The following LGR4 variants were observed in gnomAD, a reference collection of about 807,000 sequenced individuals.
The protein encoded by LGR4 is leucine-rich repeat-containing G protein-coupled receptor 4.
Under a neutral mutation model 84.8 loss-of-function variants are expected in LGR4, and 44 were observed. That is an observed-to-expected ratio of 0.52 (90% CI 0.41 to 0.67). LGR4 has a LOEUF of 0.67. Ranked by LOEUF, LGR4 falls within the 30% of genes least tolerant of loss-of-function variation. The pLI is 0.00. For missense variants in LGR4, 1,032 were observed against 1,131.4 expected, an observed-to-expected ratio of 0.91 and a Z score of 1.26; for synonymous variants, 429 against 434.3, an observed-to-expected ratio of 0.99 and a Z score of 0.15.
intron 1 of LGR4, among the ~76,000 whole-genome samples, chr11:27,426,531 C>T (rs1447462670): frequency 6.6e-6 from 1 of 152,154 alleles, no homozygotes; most frequent in East Asian, 1.9e-4. Context: ...ATAACTCTTA[C>T]TAGTTGTATA....
In LGR4 at chr11:27,385,333, T is replaced by C. The variant is rs763960022; in HGVS notation, c.537A>G (p.Leu179=). 38 of 1,611,190 alleles carry C rather than the reference T, an allele frequency of 2.4e-5. No homozygotes were observed. The highest frequency in any genetic ancestry group is 3.3e-4 in the Middle Eastern group (2 of 6,078). The change falls in exon 5 of 18, where the codon CTA becomes CTG. Residue 179 remains leucine (L), a synonymous_variant. Coordinates refer to ENST00000379214, the MANE Select transcript of LGR4 (RefSeq NM_018490.5). ...TGTTGAGAGCCAGGGTCAGCGCCTG[T>C]AGGGTGGGCAGATTGCTGAGGGGGT... The part of the protein sequence containing the change: ...PVHPLSNLPT[L]QALTLALNKI...
intron 1 of LGR4, 74 bp from the exon 2 acceptor site, chr11:27,412,934 T>C (rs1346085036): frequency 1.0e-6 from 1 of 974,222 alleles, no homozygotes; most frequent in East Asian, 2.4e-5. Flanking sequence ...AACAGAAAAC[T>C]AACTAGGTGT....
intron 1 of LGR4, among the ~76,000 whole-genome samples, chr11:27,426,230 C>T (rs905841631): frequency 5.9e-5 from 9 of 152,128 alleles, no homozygotes; most frequent in Admixed American, 2.0e-4. Context: ...CAGTAAAGAG[C>T]GTTAACGACA....
intron 1 of LGR4, among the ~76,000 whole-genome samples, chr11:27,465,944 C>T (rs941701053): frequency 6.6e-6 from 1 of 152,012 alleles, no homozygotes; most frequent in African/African-American, 2.4e-5. Context: ...CACACTTCAC[C>T]GAACAAAGTT....
At position 27,380,273 on chromosome 11, in the gene LGR4, A is replaced by T. The variant is rs575879732; in HGVS notation, c.969T>A (p.Ser323Arg). Residue 323 changes from serine to arginine, a missense_variant and splice_region_variant, in exon 10 of 18, where the codon AGT becomes AGA. By Grantham distance (110) the Ser-to-Arg change is moderately radical. Transcript: ENST00000379214. ...CCTCTTCAAAGGGCCTTACTTACAG[A>T]CTTTCCAGGTGGACAGTTCCTGTAA... The part of the protein sequence containing the change: ...PNLTGTVHLE[S>R]LTLTGTKISS... 3.3e-5 allele frequency: 53 copies of T among 1,603,898 alleles called. No individual in the cohort carries two copies. In the South Asian group the frequency reaches 5.8e-4, roughly 17 times the overall value.
chr11:27,374,404 T>C (rs1736143396), intron 13 of LGR4, among the ~76,000 whole-genome samples: 2 of 152,064 alleles, frequency 1.3e-5, no homozygotes, highest in Admixed American at 6.5e-5. Flanking sequence ...AAGCTGAAAA[T>C]AAAAACAGAC....
intron 2 of LGR4, among the ~76,000 whole-genome samples, chr11:27,402,447 C>T (rs1863522020): frequency 6.6e-6 from 1 of 152,114 alleles, no homozygotes; most frequent in Admixed American, 6.5e-5. Context: ...GACGACGTGG[C>T]TGAGCAACTC....
chr11:27,420,088 C>T (rs1184697315), intron 1 of LGR4, among the ~76,000 whole-genome samples: 3 of 151,956 alleles, frequency 2.0e-5, no homozygotes, highest in Non-Finnish European at 4.4e-5. Flanking sequence ...GTCTCAATAC[C>T]TGTATTTTGT....
intron 1 of LGR4, among the ~76,000 whole-genome samples, chr11:27,446,149 ATTTG>A (rs1454344155): frequency 6.6e-6 from 1 of 152,072 alleles, no homozygotes; most frequent in African/African-American, 2.4e-5. Flanking sequence ...TTTCTTGTAA[ATTTG>A]TTTAAGTTCT....
chr11:27,368,200 G>T lies in LGR4; in HGVS notation c.2523C>A (p.Phe841Leu). Reference protein sequence around the residue: ...SSQGGCLEQDFYYDCGMYSHL... With the variant: ...SSQGGCLEQDLYYDCGMYSHL... ...GTGAGTACATGCCACAGTCGTAGTA[G>T]AAATCCTGTTCCAGACAACCACCTT... Residue 841 changes from phenylalanine to leucine, a missense_variant, in exon 18 of 18, where the codon TTC becomes TTA. By Grantham distance (22) the Phe-to-Leu change is conservative. Coordinates refer to ENST00000379214, the MANE Select transcript of LGR4 (RefSeq NM_018490.5). 2 of 1,614,220 alleles carry T rather than the reference G, an allele frequency of 1.2e-6. No individual in the cohort carries two copies. Among genetic ancestry groups the T allele is most frequent in the Non-Finnish European group, 1.7e-6 (2 of 1,180,030 alleles).
At chr11:27,420,949 C>T (rs1415079349) in intron 1 of LGR4, among the ~76,000 whole-genome samples, 1 of 152,142 alleles carries the variant, frequency 6.6e-6, no homozygotes, top group African/African-American at 2.4e-5. Context: ...AGTATGTGTA[C>T]AAGTGGTGAG....
At position 27,377,205 on chromosome 11, in the gene LGR4, A is replaced by G. The variant is rs140880643; in HGVS notation, c.1062T>C (p.Asn354=). ...MLRTLDLSYN[N]IRDLPSFNGC... ...CATTAAAACTTGGAAGGTCTCTTAT[A>G]TTATTGTAAGACAAGTCCCTTAAAA... Residue 354 remains asparagine, a synonymous_variant, in exon 12 of 18, where the codon AAT becomes AAC. Transcript: ENST00000379214. 115 of 1,572,832 alleles carry G rather than the reference A, an allele frequency of 7.3e-5. No homozygotes were observed. The African/African-American group carries it at 1.4e-3, about 19-fold the overall frequency.
chr11:27,435,941 C>T lies in LGR4; in HGVS notation c.186-23081G>A, dbSNP rs1234592237. Among the ~76,000 whole-genome samples, 16 of 150,698 alleles carry T rather than the reference C, an allele frequency of 1.1e-4. No individual in the cohort carries two copies. In the South Asian group the frequency reaches 1.3e-3, roughly 12 times the overall value. ...TTTTTTTTTTTTTGAGACGGAGTCT[C>T]GCTCTGTCACCCAGGCTGGAGTGCA... On this transcript the variant is annotated intron_variant, in intron 1 of 17. Coordinates refer to ENST00000379214, the MANE Select transcript of LGR4 (RefSeq NM_018490.5).
In LGR4 at chr11:27,373,539, G is replaced by T. The variant is rs200107564; in HGVS notation, c.1379+12C>A. On this transcript the variant is annotated intron_variant, in intron 15 of 17. Coordinates refer to ENST00000379214, the MANE Select transcript of LGR4 (RefSeq NM_018490.5). Reference sequence around the variant, plus strand: ...TAACTTCAACAAAAAAGAAAAATAAGCAAAAACACACCTGAGGTTAACAAA... The same window carrying T: ...TAACTTCAACAAAAAAGAAAAATAATCAAAAACACACCTGAGGTTAACAAA... 1.2e-4 allele frequency: 178 copies of T among 1,511,612 alleles called. No individual in the cohort carries two copies. Among genetic ancestry groups the T allele is most frequent in the Non-Finnish European group, 1.5e-4 (170 of 1,125,404 alleles). The allele number at this position is 1,511,612 out of a possible 1,614,324, so 93.6% of individuals were successfully genotyped here. A position where few individuals can be genotyped will look rare whatever the true frequency, so the allele number is the denominator to read the frequency against.
chr11:27,439,097 T>A (rs1016236669), intron 1 of LGR4, among the ~76,000 whole-genome samples: 3 of 152,198 alleles, frequency 2.0e-5, no homozygotes, highest in Admixed American at 6.5e-5. Flanking sequence ...GATGTCGTGA[T>A]GGTAAATGGA....
At chr11:27,385,751 T>TA (rs1218658961) in intron 4 of LGR4, among the ~76,000 whole-genome samples, 2 of 152,032 alleles carry the variant, frequency 1.3e-5, no homozygotes, top group Non-Finnish European at 2.9e-5. Context: ...GAAAGATATA[T>TA]TTTTTAAAAA....
At chr11:27,432,602 A>G (rs777444787) in intron 1 of LGR4, among the ~76,000 whole-genome samples, 11 of 152,218 alleles carry the variant, frequency 7.2e-5, no homozygotes, top group Non-Finnish European at 1.0e-4. Flanking sequence ...TAGAACTTAC[A>G]GACAGCAGCA....
At chr11:27,434,521 G>A (rs1864173861) in intron 1 of LGR4, among the ~76,000 whole-genome samples, 1 of 152,232 alleles carries the variant, frequency 6.6e-6, no homozygotes, top group East Asian at 1.9e-4. Context: ...ACACTGAACT[G>A]GGAAGCTAAC....
chr11:27,452,434 G>A (rs4542364), intron 1 of LGR4, among the ~76,000 whole-genome samples: 53,506 of 151,780 alleles, frequency 0.35, 11,066 homozygotes, highest in East Asian at 0.62. Flanking sequence ...TACTCAGATG[G>A]ATTCATGTAA....
Sources: allele counts gnomAD v4.1 joint callset (sites outside exome capture counted in the v4.1 genomes callset), GRCh38; gene constraint gnomAD v4.1.1; transcripts MANE v1.5; gene names NCBI Gene and HGNC (gene_info 2026-07-23, HGNC 2026-07-21).